The following DNAH8 variants were observed in gnomAD, a reference collection of about 807,000 sequenced individuals.
DNAH8 encodes the protein axonemal beta dynein heavy chain 8.
A neutral mutation model predicts 562.1 loss-of-function variants in DNAH8; 382 were observed. The observed-to-expected ratio is 0.68, with a 90% CI of 0.63 to 0.74. The LOEUF (loss-of-function observed/expected upper bound fraction) is 0.74, where lower values mean the gene tolerates loss of function less well. DNAH8 is among the 30% of genes least tolerant of loss of function. The probability of loss-of-function intolerance (pLI) is 0.00; values close to 1 mark genes in which losing one functional copy is unlikely to be tolerated. For synonymous variants in DNAH8, 1,881 were observed against 1,919.4 expected, an observed-to-expected ratio of 0.98 and a Z score of 0.52; for missense variants, 5,203 against 5,620.4, an observed-to-expected ratio of 0.93 and a Z score of 2.37.
At chr6:38,830,798 A>G (rs949484501) in intron 30 of DNAH8, among the ~76,000 whole-genome samples, 2 of 152,334 alleles carry the variant, frequency 1.3e-5, no homozygotes, top group Admixed American at 1.3e-4. Context: ...GCAAGGAGAC[A>G]CAAAACTGAA....
At chr6:38,884,889 G>A (rs955024654) in intron 56 of DNAH8, among the ~76,000 whole-genome samples, 20 of 152,168 alleles carry the variant, frequency 1.3e-4, no homozygotes, top group Middle Eastern at 3.4e-3. Flanking sequence ...CCAGAAGTCC[G>A]CATGCTCCTG....
chr6:38,919,020 GA>G, intron 70 of DNAH8, among the ~76,000 whole-genome samples: 1 of 151,000 alleles, frequency 6.6e-6, no homozygotes, highest in Admixed American at 6.6e-5. Context: ...GAAATGATAG[GA>G]AAAATACAAA....
chr6:39,022,791 G>A lies in DNAH8; in HGVS notation c.13715-3755G>A, dbSNP rs1323334151. 3.3e-5 allele frequency among the ~76,000 whole-genome samples: 5 copies of A among 152,320 alleles called. No individual in the cohort carries two copies. In the South Asian group the frequency reaches 8.3e-4, roughly 25 times the overall value. Reference sequence around the variant, plus strand: ...GGCCACACCCCTGCAGTCTTGCTGTGCTGGTGTAGTGGGCAGCTGCCTACC... The same window carrying A: ...GGCCACACCCCTGCAGTCTTGCTGTACTGGTGTAGTGGGCAGCTGCCTACC... On this transcript the variant is annotated intron_variant, in intron 91 of 92. Transcript: ENST00000327475.
In DNAH8 at chr6:38,761,738, A is replaced by G. The variant is rs1386583924; in HGVS notation, c.1552A>G (p.Ile518Val). Residue 518 changes from isoleucine (I) to valine (V), a missense_variant, in exon 11 of 93, where the codon ATT becomes GTT. Around this residue, in one of 6 missense-constraint regions of DNAH8, gnomAD observed 2,176 missense variants for 2,365.1 expected, o/e 0.92. Coordinates refer to ENST00000327475, the MANE Select transcript of DNAH8 (RefSeq NM_001206927.2). ...AATGGTAACAGCATGTAAAGCATATATTACTGATGGAGGATTAAACCATGT... is the reference window on the plus strand; with the variant it reads ...AATGGTAACAGCATGTAAAGCATATGTTACTGATGGAGGATTAAACCATGT... ...NQMVTACKAY[I>V]TDGGLNHVWD... 6.4e-7 allele frequency: 1 copy of G among 1,564,810 alleles called. No individual in the cohort carries two copies. Among genetic ancestry groups the G allele is most frequent in the Non-Finnish European group, 8.6e-7 (1 of 1,159,538 alleles).
rs115723281 is a variant in DNAH8 at position 38,716,256 on chromosome 6, C to T, written c.-35+841C>T. Among the ~76,000 whole-genome samples the T allele has an allele frequency of 5.3e-3, 805 of 151,554 alleles. 7 individuals are homozygous for T. Among genetic ancestry groups the T allele is most frequent in the African/African-American group, 0.018 (754 of 41,220 alleles). On this transcript the variant is annotated intron_variant, in intron 1 of 92. Transcript: ENST00000327475. ...GATTACAGGCATGAGCCACCACGCCCGGCCATATACCTATATATTTTTAAA... is the reference window on the plus strand; with the variant it reads ...GATTACAGGCATGAGCCACCACGCCTGGCCATATACCTATATATTTTTAAA...
intron 79 of DNAH8, among the ~76,000 whole-genome samples, chr6:38,941,589 GGAGGCACT>G (rs1457197545): frequency 3.3e-5 from 5 of 152,286 alleles, no homozygotes; most frequent in African/African-American, 1.2e-4. Context: ...AGGGTGGGGA[GGAGGCACT>G]GCAGAGAGTG....
At chr6:38,899,664 A>G (rs1176941441) in intron 61 of DNAH8, 112 bp from the exon 62 acceptor site, 1 of 1,196,196 alleles carries the variant, frequency 8.4e-7, no homozygotes, top group Non-Finnish European at 1.2e-6. Flanking sequence ...TAACGAGGAA[A>G]AAGTCTAATA....
At chr6:38,855,744 C>T (rs559188596) in intron 41 of DNAH8, among the ~76,000 whole-genome samples, 7 of 152,144 alleles carry the variant, frequency 4.6e-5, no homozygotes, top group Middle Eastern at 3.2e-3. Context: ...CACCCCCACC[C>T]GGCCCGGCCA....
chr6:38,832,499 G>C, intron 31 of DNAH8, 64 bp downstream of exon 31: 1 of 1,044,708 alleles, frequency 9.6e-7, no homozygotes, highest in Non-Finnish European at 1.5e-6. Context: ...TGAAATGAAA[G>C]TGATGAACCC....
In DNAH8 at chr6:38,908,001, G is replaced by A; in HGVS notation, c.9394G>A (p.Gly3132Ser). 6.2e-7 allele frequency: 1 copy of A among 1,611,480 alleles called. No individual in the cohort carries two copies. The highest frequency in any genetic ancestry group is 2.2e-5 in the East Asian group (1 of 44,676). ...ARDEMDEITQ[G>S]LISVMKRELP... Reference sequence around the variant, plus strand: ...AGATGAGATGGATGAAATCACCCAAGGTCTGATTTCAGTGATGAAGAGGGA... The same window carrying A: ...AGATGAGATGGATGAAATCACCCAAAGTCTGATTTCAGTGATGAAGAGGGA... The change falls in exon 64 of 93, where the codon GGT (glycine) becomes AGT (serine). Residue 3132 changes from glycine (G) to serine (S), a missense_variant. Physicochemically the swap from Gly to Ser is moderately conservative, Grantham distance 56 (BLOSUM62 0). Around this residue, in one of 6 missense-constraint regions of DNAH8, gnomAD observed 977 missense variants for 1,061.8 expected, o/e 0.92. Transcript: ENST00000327475.
In DNAH8 at chr6:39,016,367, C is replaced by G. The variant is rs144721012; in HGVS notation, c.13714+3730C>G. Among the ~76,000 whole-genome samples, 1,684 of 151,986 alleles carry G rather than the reference C, an allele frequency of 0.011. 109 individuals carry two copies. The East Asian group carries it at 0.16, about 14-fold the overall frequency. On this transcript the variant is annotated intron_variant, in intron 91 of 92. Coordinates refer to ENST00000327475, the MANE Select transcript of DNAH8 (RefSeq NM_001206927.2). ...GAGATCGAGACCATCCTGGCTAACA[C>G]GGTGAAACCCCGTCTCTACTAAAAA...
intron 87 of DNAH8, among the ~76,000 whole-genome samples, chr6:38,987,039 C>T (rs1464665034): frequency 2.0e-5 from 3 of 152,170 alleles, no homozygotes; most frequent in East Asian, 1.9e-4. Context: ...AATAGAAGAA[C>T]GAATGCATGA....
chr6:38,946,741 C>T (rs755470397), intron 80 of DNAH8, among the ~76,000 whole-genome samples: 3 of 151,784 alleles, frequency 2.0e-5, no homozygotes, highest in Admixed American at 6.6e-5. Flanking sequence ...AACTGGGAAG[C>T]GGGGGTTGCA....
At chr6:38,760,460 CTTTT>C (rs11391110) in intron 10 of DNAH8, among the ~76,000 whole-genome samples, 1 of 148,732 alleles carries the variant, frequency 6.7e-6, no homozygotes, top group Non-Finnish European at 1.5e-5. Flanking sequence ...AAATCTCAAA[CTTTT>C]TTTTTTTACA....
Position 38,723,147 on chromosome 6 carries a change from G to A in DNAH8, c.338G>A (p.Arg113His), listed in dbSNP as rs773336154. Residue 113 changes from arginine to histidine, a missense_variant, in exon 2 of 93, where the codon CGC becomes CAC. Physicochemically the swap from Arg to His is conservative, Grantham distance 29 (BLOSUM62 0). Around this residue, in one of 6 missense-constraint regions of DNAH8, gnomAD observed 556 missense variants for 496.9 expected, o/e 1.12. Transcript: ENST00000327475. ...LPSSRRSSRYRRSMSGLPNLQ... is the reference protein window; with the variant it reads ...LPSSRRSSRYHRSMSGLPNLQ... ...TCTTCCCGGAGGTCCTCCAGATACCGCCGGAGTATGAGTGGCCTTCCCAAT... is the reference window on the plus strand; with the variant it reads ...TCTTCCCGGAGGTCCTCCAGATACCACCGGAGTATGAGTGGCCTTCCCAAT... 6.2e-6 allele frequency: 10 copies of A among 1,612,370 alleles called. No homozygotes were observed. In the African/African-American group the frequency reaches 9.3e-5, roughly 15 times the overall value.
intron 32 of DNAH8, among the ~76,000 whole-genome samples, chr6:38,837,637 TA>T (rs527255789): frequency 5.3e-5 from 8 of 152,336 alleles, no homozygotes; most frequent in Non-Finnish European, 8.8e-5. Context: ...TGTAGAGTTT[TA>T]AAAATGCAGC....
intron 85 of DNAH8, among the ~76,000 whole-genome samples, chr6:38,976,211 CAGTT>C (rs747278260): frequency 6.6e-6 from 1 of 152,204 alleles, no homozygotes; most frequent in African/African-American, 2.4e-5. Context: ...TAGCTGAAAG[CAGTT>C]AGTTGATCAA....
At chr6:38,875,532 A>T (rs565186828) in intron 52 of DNAH8, 59 bp from the exon 53 acceptor site, 9 of 1,019,260 alleles carry the variant, frequency 8.8e-6, no homozygotes, top group Non-Finnish European at 1.1e-5. Flanking sequence ...ACTATTATTT[A>T]CAATTTTTTA....
chr6:38,945,388 C>T, intron 79 of DNAH8, 79 bp from the exon 80 acceptor site: 1 of 1,475,276 alleles, frequency 6.8e-7, no homozygotes, highest in Non-Finnish European at 9.3e-7. Flanking sequence ...GGCTATTTTG[C>T]TTTTATTATT....
Sources: allele counts gnomAD v4.1 joint callset (sites outside exome capture counted in the v4.1 genomes callset), GRCh38; gene constraint gnomAD v4.1.1; regional missense constraint gnomAD v4.1.1; transcripts MANE v1.5; gene names NCBI Gene and HGNC (gene_info 2026-07-23, HGNC 2026-07-21).